CLIC5: variants seen among roughly 807,000 people sequenced by gnomAD.
CLIC5 encodes CLIC family member 5.
Under a neutral mutation model 24.7 loss-of-function variants are expected in CLIC5, and 20 were observed. That is an observed-to-expected ratio of 0.81 (90% CI 0.57 to 1.18). The LOEUF (loss-of-function observed/expected upper bound fraction) is 1.18, where lower values mean the gene tolerates loss of function less well. Among genes scored for constraint, CLIC5 ranks in the 50% most tolerant of loss-of-function variants. The pLI is 0.00. For missense variants in CLIC5, 341 were observed against 326.1 expected (o/e 1.05, Z -0.35); for synonymous variants, 159 against 135.6 (o/e 1.17, Z -1.20).
At chr6:46,013,844 G>A (rs144534642) in intron 1 of CLIC5, among the ~76,000 whole-genome samples, 1 of 152,136 alleles carries the variant, frequency 6.6e-6, no homozygotes, top group African/African-American at 2.4e-5. Flanking sequence ...TCCTAGAATC[G>A]CTTTCTTCAA....
At chr6:45,924,080 T>G (rs1763380977) in intron 4 of CLIC5, among the ~76,000 whole-genome samples, 1 of 152,212 alleles carries the variant, frequency 6.6e-6, no homozygotes, top group Non-Finnish European at 1.5e-5. Flanking sequence ...TGCTGATGTA[T>G]GAGAAACAAA....
At position 45,901,325 on chromosome 6, in the gene CLIC5, G is replaced by A. The variant is rs1331398985; in HGVS notation, c.*1763C>T. ...TCTCAGGCTTATAAAGTGTCCTACTGAGAAAGTTCCTCTTCCTCAATGGGC... is the reference window on the plus strand; with the variant it reads ...TCTCAGGCTTATAAAGTGTCCTACTAAGAAAGTTCCTCTTCCTCAATGGGC... On this transcript the variant is annotated 3_prime_UTR_variant, in exon 6 of 6. Coordinates refer to ENST00000339561, the MANE Select transcript of CLIC5 (RefSeq NM_016929.5). The A allele has an allele frequency of 6.6e-6, 1 of 152,140 alleles. No individual in the cohort carries two copies. Among genetic ancestry groups the A allele is most frequent in the African/African-American group, 2.4e-5 (1 of 41,426 alleles). 9.4% of individuals were successfully genotyped at this position (152,140 alleles called of 1,614,324 possible).
intron 4 of CLIC5, among the ~76,000 whole-genome samples, chr6:45,915,379 T>C (rs1221075954): frequency 2.6e-5 from 4 of 152,124 alleles, no homozygotes; most frequent in Non-Finnish European, 5.9e-5. Context: ...GCATCAGATA[T>C]TGTGGAAGTA....
chr6:45,989,369 A>G (rs1581832026), intron 1 of CLIC5, among the ~76,000 whole-genome samples: 1 of 152,184 alleles, frequency 6.6e-6, no homozygotes, highest in East Asian at 1.9e-4. Flanking sequence ...CTCTGTAAAA[A>G]AGGTGATATC....
chr6:46,017,777 G>A (rs1767061760), upstream of CLIC5, among the ~76,000 whole-genome samples: 1 of 152,146 alleles, frequency 6.6e-6, no homozygotes, highest in Non-Finnish European at 1.5e-5. Flanking sequence ...GGAGCAAAAG[G>A]CACTTTAGCT....
chr6:46,068,836 C>T (rs1485217808), intron 1 of CLIC5, among the ~76,000 whole-genome samples: 1 of 152,140 alleles, frequency 6.6e-6, no homozygotes, highest in Non-Finnish European at 1.5e-5. Context: ...AAGAAACCAA[C>T]CCTGCCAACA....
In CLIC5 at chr6:45,961,911, A is replaced by G. The variant is rs988133093; in HGVS notation, c.64-6667T>C. The stretch of plus-strand genomic sequence containing the variant: ...TCAACATTTATCTAAAGTTTAATGT[A>G]TGGGCTTAATTAGCTCTATGTAGAC... On this transcript the variant is annotated intron_variant, in intron 1 of 5. Coordinates refer to ENST00000339561, the MANE Select transcript of CLIC5 (RefSeq NM_016929.5). 3.3e-5 allele frequency among the ~76,000 whole-genome samples: 5 copies of G among 152,292 alleles called. No homozygotes were observed. The East Asian group carries it at 9.6e-4, about 29-fold the overall frequency.
chr6:45,973,678 C>T (rs1355036501), intron 1 of CLIC5, among the ~76,000 whole-genome samples: 1 of 152,200 alleles, frequency 6.6e-6, no homozygotes, highest in South Asian at 2.1e-4. Flanking sequence ...GTGGCCCATG[C>T]CTGTAATCCC....
At chr6:45,941,405 G>GA (rs950957177) in intron 4 of CLIC5, 142 bp downstream of exon 4, 2 of 682,160 alleles carry the variant, frequency 2.9e-6, no homozygotes, top group African/African-American at 3.6e-5. Flanking sequence ...GTGGTGGCGG[G>GA]GGGTGGGGGC....
intron 1 of CLIC5, among the ~76,000 whole-genome samples, chr6:45,969,735 A>T (rs7756444): frequency 0.03 from 4,599 of 151,860 alleles, 110 homozygotes; most frequent in Middle Eastern, 0.065. Flanking sequence ...AAACTGCTGA[A>T]GACAGAGGAA....
upstream of CLIC5, chr6:46,015,950 TCGGGCCTGGGC>T: frequency 2.1e-6 from 2 of 974,810 alleles, no homozygotes; most frequent in Non-Finnish European, 2.4e-6. Context: ...CCCCGGCAGC[TCGGGCCTGGGC>T]CGGGCCACGG....
chr6:46,087,628 C>G, the CLIC5 span, among the ~76,000 whole-genome samples: 1 of 152,128 alleles, frequency 6.6e-6, no homozygotes, highest in Non-Finnish European at 1.5e-5. Flanking sequence ...CGGACTCCAT[C>G]ATGACCAAAT....
intron 1 of CLIC5, among the ~76,000 whole-genome samples, chr6:46,076,270 C>T (rs2144161): frequency 0.059 from 8,917 of 152,294 alleles, 455 homozygotes; most frequent in African/African-American, 0.14. Flanking sequence ...ACTACTGCCT[C>T]GCGCCTACTT....
At chr6:45,921,073 G>A (rs1322946543) in intron 4 of CLIC5, among the ~76,000 whole-genome samples, 1 of 152,174 alleles carries the variant, frequency 6.6e-6, no homozygotes, top group African/African-American at 2.4e-5. Flanking sequence ...GGTTATATGA[G>A]TATGAATGAC....
At chr6:46,026,463 G>T (rs1327560034) in intron 1 of CLIC5, among the ~76,000 whole-genome samples, 2 of 152,136 alleles carry the variant, frequency 1.3e-5, no homozygotes, top group Non-Finnish European at 2.9e-5. Flanking sequence ...ATTCAGGAAG[G>T]TAGCTTTGAT....
chr6:45,899,948 AAAG>A lies in CLIC5; in HGVS notation c.*3137_*3139del, dbSNP rs1441392426. 3.9e-5 allele frequency: 6 copies of A among 152,206 alleles called. No individual in the cohort carries two copies. Among genetic ancestry groups the A allele is most frequent in the African/African-American group, 1.4e-4 (6 of 41,448 alleles). 9.4% of individuals were successfully genotyped at this position (152,206 alleles called of 1,614,324 possible). A position where few individuals can be genotyped will look rare whatever the true frequency, so the allele number is the denominator to read the frequency against. The stretch of plus-strand genomic sequence containing the variant: ...GCTAGGTCACTCTACCTCTCGTTTA[AAAG>A]AATATAGCTATGCTCACATCTGTGA... On this transcript the variant is annotated 3_prime_UTR_variant, in exon 6 of 6. Transcript: ENST00000339561.
chr6:46,124,471 C>A, the CLIC5 span, among the ~76,000 whole-genome samples: 1 of 152,178 alleles, frequency 6.6e-6, no homozygotes, highest in Admixed American at 6.5e-5. Context: ...ACCATTGAAA[C>A]CCTAGATGAA....
chr6:46,069,232 C>T (rs997431808), intron 1 of CLIC5, among the ~76,000 whole-genome samples: 6 of 152,156 alleles, frequency 3.9e-5, no homozygotes, highest in Middle Eastern at 3.4e-3. Context: ...TTTATGCATT[C>T]GCTCCATCCT....
At chr6:46,072,162 A>G (rs969018153) in intron 1 of CLIC5, among the ~76,000 whole-genome samples, 1 of 151,880 alleles carries the variant, frequency 6.6e-6, no homozygotes, top group Non-Finnish European at 1.5e-5. Flanking sequence ...GTGATGAAAT[A>G]ATCTGTACAA....
Sources: allele counts gnomAD v4.1 joint callset (sites outside exome capture counted in the v4.1 genomes callset), GRCh38; gene constraint gnomAD v4.1.1; transcripts MANE v1.5; gene names NCBI Gene and HGNC (gene_info 2026-07-23, HGNC 2026-07-21).